FAM81B: variants seen among roughly 807,000 people sequenced by gnomAD.
FAM81B encodes the protein family with sequence similarity 81 member B.
A neutral mutation model predicts 58.7 loss-of-function variants in FAM81B; 60 were observed. That is an observed-to-expected ratio of 1.02 (90% CI 0.83 to 1.27). FAM81B has a LOEUF of 1.27. FAM81B is among the 50% of genes most tolerant of loss of function. The pLI is 0.00. For synonymous variants in FAM81B, 189 were observed against 179.6 expected (o/e 1.05, Z -0.42); for missense variants, 491 against 522.0 (o/e 0.94, Z 0.58).
At chr5:95,435,807 C>T (rs576150974) in intron 6 of FAM81B, among the ~76,000 whole-genome samples, 2 of 152,180 alleles carry the variant, frequency 1.3e-5, no homozygotes, top group Non-Finnish European at 2.9e-5. Context: ...TTGCCTTTAC[C>T]TGTAATTGCC....
intron 1 of FAM81B, among the ~76,000 whole-genome samples, chr5:95,392,051 A>G (rs1761835139): frequency 6.6e-6 from 1 of 152,212 alleles, no homozygotes; most frequent in Admixed American, 6.5e-5. Flanking sequence ...ACACATGCAC[A>G]CGTATGTTTA....
chr5:95,403,743 T>C (rs1026880012), intron 3 of FAM81B, among the ~76,000 whole-genome samples: 1 of 152,222 alleles, frequency 6.6e-6, no homozygotes, highest in African/African-American at 2.4e-5. Context: ...GGAAGTTTCT[T>C]CTGTGTATCC....
At chr5:95,403,141 AC>A (rs1196716758) in intron 3 of FAM81B, among the ~76,000 whole-genome samples, 1 of 152,200 alleles carries the variant, frequency 6.6e-6, no homozygotes, top group African/African-American at 2.4e-5. Flanking sequence ...CATTAGAATC[AC>A]CTATGCGCTT....
chr5:95,398,451 T>TAAAA (rs1554042470), intron 3 of FAM81B, among the ~76,000 whole-genome samples: 32 of 151,376 alleles, frequency 2.1e-4, no homozygotes, highest in Middle Eastern at 6.8e-3. Flanking sequence ...AATAAATAAA[T>TAAAA]AAAAAACTTC....
chr5:95,426,920 A>G (rs535680239), intron 5 of FAM81B, among the ~76,000 whole-genome samples: 13 of 149,376 alleles, frequency 8.7e-5, no homozygotes, highest in South Asian at 2.2e-4. Context: ...GTGGTGGCGC[A>G]TGCCTGTAGT....
At chr5:95,396,398 C>A (rs752977908) in intron 3 of FAM81B, among the ~76,000 whole-genome samples, 2 of 152,176 alleles carry the variant, frequency 1.3e-5, no homozygotes, top group Non-Finnish European at 2.9e-5. Flanking sequence ...ATTTAACTAC[C>A]TTTTCTTTAA....
At chr5:95,432,208 T>C (rs1256112070) in intron 6 of FAM81B, among the ~76,000 whole-genome samples, 1 of 152,118 alleles carries the variant, frequency 6.6e-6, no homozygotes, top group Non-Finnish European at 1.5e-5. Flanking sequence ...TTATTTCCTA[T>C]TATTAAACCA....
At chr5:95,422,313 T>C (rs1367753108) in intron 5 of FAM81B, among the ~76,000 whole-genome samples, 1 of 149,402 alleles carries the variant, frequency 6.7e-6, no homozygotes, top group Non-Finnish European at 1.5e-5. Context: ...AATATATAAA[T>C]AAATAATATA....
chr5:95,444,242 A>C (rs1406241567), intron 7 of FAM81B, among the ~76,000 whole-genome samples: 1 of 152,216 alleles, frequency 6.6e-6, no homozygotes, highest in African/African-American at 2.4e-5. Flanking sequence ...ACTATATTCC[A>C]GGCATTGTTA....
chr5:95,403,853 T>C (rs545272170), intron 3 of FAM81B, among the ~76,000 whole-genome samples: 1 of 152,210 alleles, frequency 6.6e-6, no homozygotes, highest in Admixed American at 6.5e-5. Context: ...CCATAACCAA[T>C]TGCATCTCAA....
intron 6 of FAM81B, 109 bp downstream of exon 6, chr5:95,428,841 C>A: frequency 6.9e-7 from 1 of 1,455,812 alleles, no homozygotes. Context: ...GAACTCTTTT[C>A]TTCCAAAGGG....
intron 3 of FAM81B, among the ~76,000 whole-genome samples, chr5:95,402,865 C>G (rs1386313945): frequency 6.6e-6 from 1 of 152,186 alleles, no homozygotes; most frequent in African/African-American, 2.4e-5. Context: ...TCAGAACTTA[C>G]AACCACACAG....
At chr5:95,437,676 A>T (rs1745160689) in intron 7 of FAM81B, among the ~76,000 whole-genome samples, 1 of 152,152 alleles carries the variant, frequency 6.6e-6, no homozygotes, top group Non-Finnish European at 1.5e-5. Context: ...ACCCCATCTT[A>T]AACTGAATTT....
chr5:95,439,236 G>GTATCTATATATATATATATATA (rs1745221577), intron 7 of FAM81B, among the ~76,000 whole-genome samples: 1 of 105,186 alleles, frequency 9.5e-6, no homozygotes, highest in African/African-American at 3.5e-5. Context: ...AGGTTAAAGA[G>GTATCTATATATATATATATATA]TATATATATA....
At chr5:95,404,704 G>A (rs1305271357) in intron 3 of FAM81B, among the ~76,000 whole-genome samples, 2 of 152,192 alleles carry the variant, frequency 1.3e-5, no homozygotes, top group Non-Finnish European at 2.9e-5. Context: ...TTTATTGACT[G>A]CCTACTATGT....
At chr5:95,440,507 A>G (rs1020468543) in intron 7 of FAM81B, 1 of 588,954 alleles carries the variant, frequency 1.7e-6, no homozygotes, top group Non-Finnish European at 3.2e-6. Context: ...GTTGCTTTAG[A>G]CAAAATATTA....
chr5:95,433,249 T>G (rs896929686), intron 6 of FAM81B, among the ~76,000 whole-genome samples: 1 of 139,456 alleles, frequency 7.2e-6, no homozygotes, highest in Non-Finnish European at 1.5e-5. Context: ...ACAGTCATGG[T>G]GAAAGGTGAA....
chr5:95,449,110 T>C (rs1424517589), intron 9 of FAM81B, among the ~76,000 whole-genome samples: 1 of 152,130 alleles, frequency 6.6e-6, no homozygotes, highest in African/African-American at 2.4e-5. Context: ...CTCAGAAGAG[T>C]TTCTTTCCTA....
chr5:95,412,416 T>C (rs1762429872), intron 3 of FAM81B, among the ~76,000 whole-genome samples: 1 of 152,178 alleles, frequency 6.6e-6, no homozygotes, highest in Admixed American at 6.5e-5. Context: ...ATAATTATAT[T>C]TGAACCAGTT....
Sources: gnomAD v4.1 joint callset for allele counts (sites outside exome capture counted in the v4.1 genomes callset) on GRCh38, gnomAD v4.1.1 for gene constraint, MANE v1.5 for transcripts, NCBI Gene and HGNC (gene_info 2026-07-23, HGNC 2026-07-21) for gene names.